The following ZBTB16 variants were observed in gnomAD, a reference collection of about 807,000 sequenced individuals.
The protein encoded by ZBTB16 is zinc finger and BTB domain-containing protein 16.
In ZBTB16, 8 loss-of-function variants were observed where a neutral mutation model predicts 56.8. The observed-to-expected ratio is 0.14, with a 90% confidence interval of 0.08 to 0.25. ZBTB16 has a LOEUF of 0.25. Among genes scored for constraint, ZBTB16 ranks in the 10% least tolerant of loss-of-function variants. ZBTB16 has a pLI of 1.00. For synonymous variants in ZBTB16, 363 were observed against 368.5 expected (o/e 0.98, Z 0.17); for missense variants, 625 against 903.0 (o/e 0.69, Z 3.95).
intron 2 of ZBTB16, among the ~76,000 whole-genome samples, chr11:114,153,654 C>T (rs1340310413): frequency 6.6e-6 from 1 of 152,190 alleles, no homozygotes; most frequent in Non-Finnish European, 1.5e-5. Flanking sequence ...TTTGCTTGGG[C>T]AATCCTAGCC....
Position 114,111,156 on chromosome 11 carries a change from C to CATGTGTGT in ZBTB16, c.1269-45181_1269-45180insATGTGTGT, listed in dbSNP as rs113987370. 2.7e-5 allele frequency among the ~76,000 whole-genome samples: 4 copies of CATGTGTGT among 148,964 alleles called. No homozygotes were observed. The East Asian group carries it at 7.9e-4, about 30-fold the overall frequency. On this transcript the variant is annotated intron_variant, in intron 2 of 6. Coordinates refer to ENST00000335953, the MANE Select transcript of ZBTB16 (RefSeq NM_006006.6). Reference sequence around the variant, plus strand: ...ACTTTTGGCTTAGAGATCTGTGCTGCGTGTGTGTGTGTGTGTGTGTGTGTG... The same window carrying CATGTGTGT: ...ACTTTTGGCTTAGAGATCTGTGCTGCATGTGTGTGTGTGTGTGTGTGTGTGTGTGTGTG...
In ZBTB16 at chr11:114,179,823, G is replaced by A. The variant is rs554415712; in HGVS notation, c.1367-7129G>A. Among the ~76,000 whole-genome samples, 117 of 152,100 alleles carry A rather than the reference G, an allele frequency of 7.7e-4. 1 individual carries two copies. Among genetic ancestry groups the A allele is most frequent in the Non-Finnish European group, 7.6e-4 (52 of 68,000 alleles). ...GTCTTCTGCTTCCTTCCTGGATGCC[G>A]GGACCCCCTCAGCCTCATTTCTGGT... is the stretch of plus-strand genomic sequence containing the variant. On this transcript the variant is annotated intron_variant, in intron 3 of 6. Transcript: ENST00000335953.
At chr11:114,227,570 C>T (rs1591797696) in intron 4 of ZBTB16, among the ~76,000 whole-genome samples, 1 of 152,226 alleles carries the variant, frequency 6.6e-6, no homozygotes, top group Non-Finnish European at 1.5e-5. Flanking sequence ...AGCTCTCATG[C>T]AGCTTTCATT....
At chr11:114,247,411 C>T (rs752043072) in intron 6 of ZBTB16, 46 bp downstream of exon 6, 37 of 1,612,286 alleles carry the variant, frequency 2.3e-5, no homozygotes, top group Middle Eastern at 1.7e-4. Context: ...GGGACCTGGG[C>T]GGAGGTGGGA....
intron 2 of ZBTB16, among the ~76,000 whole-genome samples, chr11:114,072,525 G>T (rs1565609352): frequency 6.6e-6 from 1 of 152,182 alleles, no homozygotes; most frequent in South Asian, 2.1e-4. Flanking sequence ...GGGCTTGTGG[G>T]TGTTGGGGGT....
intron 4 of ZBTB16, among the ~76,000 whole-genome samples, chr11:114,196,517 C>G (rs1045680793): frequency 6.6e-6 from 1 of 152,312 alleles, no homozygotes; most frequent in East Asian, 1.9e-4. Context: ...GAATTCAGCT[C>G]TCTCCTCCAG....
chr11:114,202,955 CT>C (rs1196118889), intron 4 of ZBTB16, among the ~76,000 whole-genome samples: 2 of 152,222 alleles, frequency 1.3e-5, no homozygotes, highest in Non-Finnish European at 2.9e-5. Flanking sequence ...CAAAAAGTAA[CT>C]TCCAACCCAA....
At position 114,060,354 on chromosome 11, in the gene ZBTB16, G is replaced by A. The variant is rs1341639620; in HGVS notation, c.-91+472G>A. On this transcript the variant is annotated intron_variant, in intron 1 of 6. Transcript: ENST00000335953. The surrounding 1 kb of genome is among the most constrained non-coding windows in gnomAD (Gnocchi z 6.0). ...GCCGGCTGGGAAGCTAGAATCGGAG[G>A]AGCTGACGAGTAGATCTGGGGGCGG... 6.6e-6 allele frequency: 1 copy of A among 152,620 alleles called. No individual in the cohort carries two copies. The highest frequency in any genetic ancestry group is 2.1e-4 in the South Asian group (1 of 4,842). The allele number at this position is 152,620 out of a possible 1,614,324, so 9.5% of individuals were successfully genotyped here.
At chr11:114,068,839 C>G (rs1421867750) in intron 2 of ZBTB16, among the ~76,000 whole-genome samples, 1 of 152,222 alleles carries the variant, frequency 6.6e-6, no homozygotes, top group African/African-American at 2.4e-5. Context: ...AGCACCTGAT[C>G]ATTCTCAGAG....
At chr11:114,067,511 A>T (rs1347236194) in intron 2 of ZBTB16, among the ~76,000 whole-genome samples, 1 of 152,052 alleles carries the variant, frequency 6.6e-6, no homozygotes. Flanking sequence ...GGTTCAAGTG[A>T]TTCTCCTGCC....
chr11:114,250,669 A>C lies in ZBTB16; in HGVS notation c.*114A>C. The C allele has an allele frequency of 2.4e-6, 3 of 1,235,438 alleles. No individual in the cohort carries two copies. The highest frequency in any genetic ancestry group is 1.4e-5 in the South Asian group (1 of 72,106). 76.5% of individuals were successfully genotyped at this position (1,235,438 alleles called of 1,614,324 possible). A position where few individuals can be genotyped will look rare whatever the true frequency, so the allele number is the denominator to read the frequency against. ...GAAAAGAAAAAAAAAAACAGAAGGA[A>C]AAGGAAACCTGGTAGCTTTTTGGCC... On this transcript the variant is annotated 3_prime_UTR_variant, in exon 7 of 7. Transcript: ENST00000335953. This position sits in a 1 kb window ranked among gnomAD's most constrained non-coding sequence, Gnocchi z 6.0.
At chr11:114,239,792 G>A (rs1024491941) in intron 4 of ZBTB16, among the ~76,000 whole-genome samples, 3 of 152,138 alleles carry the variant, frequency 2.0e-5, no homozygotes, top group Non-Finnish European at 4.4e-5. Context: ...TCCTTACTGG[G>A]CCTCTTCCAG....
rs573774052 is a variant in ZBTB16, at chr11:114,061,200, G to A, written c.-91+1318G>A. 2.5e-4 allele frequency among the ~76,000 whole-genome samples: 38 copies of A among 152,184 alleles called. No individual in the cohort carries two copies. The East Asian group carries it at 5.9e-3, about 23-fold the overall frequency. ...CCCGGAGCTCGGGCGGGTTATCGCC[G>A]GCTCTTCCCCGCGCCGCCTGGCTGG... is the stretch of plus-strand genomic sequence containing the variant. On this transcript the variant is annotated intron_variant, in intron 1 of 6. Coordinates refer to ENST00000335953, the MANE Select transcript of ZBTB16 (RefSeq NM_006006.6).
At chr11:114,214,138 A>C (rs1944047522) in intron 4 of ZBTB16, among the ~76,000 whole-genome samples, 1 of 152,148 alleles carries the variant, frequency 6.6e-6, no homozygotes, top group African/African-American at 2.4e-5. Context: ...TATGTTAACG[A>C]GGACACAGTA....
chr11:114,249,483 A>C (rs35425033), intron 6 of ZBTB16, among the ~76,000 whole-genome samples: 1 of 129,628 alleles, frequency 7.7e-6, no homozygotes, highest in Non-Finnish European at 1.6e-5. Flanking sequence ...AAAAAAAAAA[A>C]GGCCGGGCGC....
In ZBTB16 at chr11:114,228,896, A is replaced by G. The variant is rs141954988; in HGVS notation, c.1454-13271A>G. Among the ~76,000 whole-genome samples the G allele has an allele frequency of 3.0e-4, 45 of 152,296 alleles. No individual in the cohort carries two copies. In the East Asian group the frequency reaches 7.5e-3, roughly 26 times the overall value. ...TACAGTATCTTCCTGGTGTGAATGC[A>G]GGCCTGGCGGGCGCCCTGGTGTCAG... is the stretch of plus-strand genomic sequence containing the variant. On this transcript the variant is annotated intron_variant, in intron 4 of 6. Transcript: ENST00000335953.
In ZBTB16 at chr11:114,254,314, G is replaced by C. The variant is rs1944964898; in HGVS notation, c.*3759G>C. ...TGCAGGGGTAGGTAGGGAGGCTGGG[G>C]GACCCAGTGATTCAGTACAATCCAA... is the stretch of plus-strand genomic sequence containing the variant. On this transcript the variant is annotated 3_prime_UTR_variant, in exon 7 of 7. Coordinates refer to ENST00000335953, the MANE Select transcript of ZBTB16 (RefSeq NM_006006.6). Among the ~76,000 whole-genome samples the C allele has an allele frequency of 6.6e-6, 1 of 152,102 alleles. No individual in the cohort carries two copies. Among genetic ancestry groups the C allele is most frequent in the South Asian group, 2.1e-4 (1 of 4,832 alleles).
At chr11:114,182,476 CTT>C (rs1943271654) in intron 3 of ZBTB16, among the ~76,000 whole-genome samples, 1 of 152,176 alleles carries the variant, frequency 6.6e-6, no homozygotes, top group African/African-American at 2.4e-5. Context: ...GATTTCGTCT[CTT>C]TTGTTTATTT....
At position 114,060,795 on chromosome 11, in the gene ZBTB16, C is replaced by T. The variant is rs941255802; in HGVS notation, c.-91+913C>T. Among the ~76,000 whole-genome samples, 2 of 152,122 alleles carry T rather than the reference C, an allele frequency of 1.3e-5. No homozygotes were observed. Among genetic ancestry groups the T allele is most frequent in the African/African-American group, 2.4e-5 (1 of 41,444 alleles). On this transcript the variant is annotated intron_variant, in intron 1 of 6. Coordinates refer to ENST00000335953, the MANE Select transcript of ZBTB16 (RefSeq NM_006006.6). This position sits in a 1 kb window ranked among gnomAD's most constrained non-coding sequence, Gnocchi z 6.0. Reference sequence around the variant, plus strand: ...ACGCTCGCACCGTGCTTGGGCCGGGCGCGCTGGCCGCTGGCGCCGCTGGCC... The same window carrying T: ...ACGCTCGCACCGTGCTTGGGCCGGGTGCGCTGGCCGCTGGCGCCGCTGGCC...
Sources: gnomAD v4.1 joint callset for allele counts (sites outside exome capture counted in the v4.1 genomes callset) on GRCh38, gnomAD v4.1.1 for gene constraint, Gnocchi (gnomAD v3.1) non-coding constraint, MANE v1.5 for transcripts, NCBI Gene and HGNC (gene_info 2026-07-23, HGNC 2026-07-21) for gene names.